Variants in KREMEN1 observed in about 807,000 individuals in gnomAD.
KREMEN1 encodes kremen protein 1.
In KREMEN1, 30 loss-of-function variants were observed where a neutral mutation model predicts 46.5. That is an observed-to-expected ratio of 0.65 (90% CI 0.48 to 0.88). KREMEN1 has a LOEUF of 0.88. KREMEN1 is among the 40% of genes least tolerant of loss of function. The pLI is 0.00. For synonymous variants in KREMEN1, 214 were observed against 230.6 expected (o/e 0.93, Z 0.65); for missense variants, 533 against 596.9 (o/e 0.89, Z 1.11).
At chr22:29,086,639 G>A (rs1234736556) in intron 1 of KREMEN1, among the ~76,000 whole-genome samples, 3 of 152,200 alleles carry the variant, frequency 2.0e-5, no homozygotes, top group African/African-American at 7.2e-5. Context: ...GCAAAGGGTA[G>A]TCTGCCCAGG....
Position 29,144,667 on chromosome 22 carries a change from T to A in KREMEN1, c.*2555T>A. The A allele has an allele frequency of 2.0e-6, 2 of 985,510 alleles. No homozygotes were observed. Among genetic ancestry groups the A allele is most frequent in the African/African-American group, 3.5e-5 (2 of 57,378 alleles). The allele number at this position is 985,510 out of a possible 1,614,324, so 61.0% of individuals were successfully genotyped here. ...GGGTCCTGTGCTGTGAATAGATCCATGTGCAGCACAAAGGGAATGTGGCAC... is the reference window on the plus strand; with the variant it reads ...GGGTCCTGTGCTGTGAATAGATCCAAGTGCAGCACAAAGGGAATGTGGCAC... On this transcript the variant is annotated 3_prime_UTR_variant, in exon 9 of 9. Coordinates refer to ENST00000400335, the MANE Select transcript of KREMEN1 (RefSeq NM_001039570.3).
chr22:29,092,243 G>T (rs1044393508), intron 1 of KREMEN1, among the ~76,000 whole-genome samples: 1 of 152,194 alleles, frequency 6.6e-6, no homozygotes, highest in Non-Finnish European at 1.5e-5. Context: ...ATCGGAAGTG[G>T]AGTGAGGGAG....
chr22:29,162,714 CA>C (rs372508212), intron 9 of KREMEN1, among the ~76,000 whole-genome samples: 1 of 142,434 alleles, frequency 7.0e-6, no homozygotes, highest in Non-Finnish European at 1.5e-5. Context: ...CTCCGTCACA[CA>C]AAAAAAAAGA....
At chr22:29,141,226 C>CGT (rs132278) in intron 8 of KREMEN1, among the ~76,000 whole-genome samples, 109,350 of 148,476 alleles carry the variant, frequency 0.74, 40,617 homozygotes, top group East Asian at 0.91. Context: ...ATAATGTCCT[C>CGT]GTGTGTGTGT....
chr22:29,088,327 A>ACGCACG (rs1556002411), intron 1 of KREMEN1, among the ~76,000 whole-genome samples: 1 of 150,408 alleles, frequency 6.6e-6, no homozygotes, highest in African/African-American at 2.4e-5. Context: ...ACACACACAC[A>ACGCACG]CACGCACACA....
chr22:29,105,931 T>C (rs923324951), intron 3 of KREMEN1, among the ~76,000 whole-genome samples: 7 of 152,208 alleles, frequency 4.6e-5, no homozygotes, highest in African/African-American at 1.7e-4. Context: ...TAAAAATAGA[T>C]TTAAAATAGA....
chr22:29,141,523 C>G (rs1196880616), intron 8 of KREMEN1, among the ~76,000 whole-genome samples: 1 of 152,206 alleles, frequency 6.6e-6, no homozygotes, highest in African/African-American at 2.4e-5. Flanking sequence ...GAACAGAGTC[C>G]GGGCCAGCAC....
chr22:29,119,213 G>T (rs1159274589), intron 3 of KREMEN1, among the ~76,000 whole-genome samples: 1 of 152,080 alleles, frequency 6.6e-6, no homozygotes, highest in Non-Finnish European at 1.5e-5. Context: ...AAATTAAAAG[G>T]CTATAGGTGA....
intron 2 of KREMEN1, among the ~76,000 whole-genome samples, chr22:29,098,059 A>G (rs950299834): frequency 6.6e-6 from 1 of 152,098 alleles, no homozygotes; most frequent in African/African-American, 2.4e-5. Flanking sequence ...GGGCACTTGT[A>G]GTCCCAGCTA....
rs182176385 is a variant in KREMEN1, at chr22:29,076,578, C to T, written c.97+3351C>T. On this transcript the variant is annotated intron_variant, in intron 1 of 8. Coordinates refer to ENST00000400335, the MANE Select transcript of KREMEN1 (RefSeq NM_001039570.3). ...CCATTTAAATCTTTGAGGCCGGGCG[C>T]GGTGGCTCACACCTGTAATCCCAGC... 2.0e-4 allele frequency among the ~76,000 whole-genome samples: 30 copies of T among 152,292 alleles called. 1 individual carries two copies. Among genetic ancestry groups the T allele is most frequent in the East Asian group, 1.7e-3 (9 of 5,188 alleles).
intron 5 of KREMEN1, among the ~76,000 whole-genome samples, chr22:29,125,914 C>T (rs950632100): frequency 6.6e-6 from 1 of 152,010 alleles, no homozygotes; most frequent in Non-Finnish European, 1.5e-5. Context: ...TCTAAACTGC[C>T]GCATTTGTGA....
chr22:29,143,946 C>T lies in KREMEN1; in HGVS notation c.*1834C>T. 1 of 985,372 alleles carries T rather than the reference C, an allele frequency of 1.0e-6. No individual in the cohort carries two copies. The highest frequency in any genetic ancestry group is 1.1e-4 in the East Asian group (1 of 8,816). The allele number at this position is 985,372 out of a possible 1,614,324, so 61.0% of individuals were successfully genotyped here. A position where few individuals can be genotyped will look rare whatever the true frequency, so the allele number is the denominator to read the frequency against. Reference sequence around the variant, plus strand: ...GGAATTGGAGCTCCTCCAAGGAGCTCCTCCTAAGATTGAGTGCTGCAGCTG... The same window carrying T: ...GGAATTGGAGCTCCTCCAAGGAGCTTCTCCTAAGATTGAGTGCTGCAGCTG... On this transcript the variant is annotated 3_prime_UTR_variant, in exon 9 of 9. Transcript: ENST00000400335.
chr22:29,149,320 G>GC (rs1229809457), downstream of KREMEN1, among the ~76,000 whole-genome samples: 1 of 152,082 alleles, frequency 6.6e-6, no homozygotes, highest in African/African-American at 2.4e-5. Flanking sequence ...GTGCCACCAT[G>GC]CCCAGCTAAT....
intron 4 of KREMEN1, among the ~76,000 whole-genome samples, chr22:29,122,513 G>A (rs954883649): frequency 6.6e-6 from 1 of 152,116 alleles, no homozygotes; most frequent in African/African-American, 2.4e-5. Flanking sequence ...ATATATGAAT[G>A]TTCATAGCAG....
intron 5 of KREMEN1, among the ~76,000 whole-genome samples, chr22:29,134,472 A>G (rs1257732183): frequency 6.6e-6 from 1 of 151,996 alleles, no homozygotes; most frequent in Non-Finnish European, 1.5e-5. Flanking sequence ...TAGATTATTT[A>G]CCGTATTCAT....
chr22:29,142,009 T>A lies in KREMEN1; in HGVS notation c.1274T>A (p.Ile425Asn), dbSNP rs1274054510. 3 of 1,613,480 alleles carry A rather than the reference T, an allele frequency of 1.9e-6. No homozygotes were observed. Among genetic ancestry groups the A allele is most frequent in the South Asian group, 2.2e-5 (2 of 90,938 alleles). The change falls in exon 9 of 9, where the codon ATC becomes AAC. Residue 425 changes from isoleucine to asparagine, a missense_variant. Physicochemically the swap from Ile to Asn is moderately radical, Grantham distance 149. Coordinates refer to ENST00000400335, the MANE Select transcript of KREMEN1 (RefSeq NM_001039570.3). ...CATCAACCAGGGACTTCGGGGGAAA[T>A]CTGGAGCATTTTTTACAAGCCTTCC... ...DCHQPGTSGE[I>N]WSIFYKPSTS... is the part of the protein sequence containing the mutation.
At chr22:29,105,722 C>T (rs1267123968) in intron 3 of KREMEN1, among the ~76,000 whole-genome samples, 1 of 152,076 alleles carries the variant, frequency 6.6e-6, no homozygotes, top group East Asian at 1.9e-4. Context: ...TTCGTTGAGC[C>T]TCTGTATTAG....
rs2038545786 is a variant in KREMEN1 at position 29,131,612 on chromosome 22, GTATATATATGTATATATGTATATATA to G, written c.632-5728_632-5703del. On this transcript the variant is annotated intron_variant, in intron 5 of 8. Transcript: ENST00000400335. ...TGTGTGTGTATATGTATATATGTGT[GTATATATATGTATATATGTATATATA>G]TGTGTGTATATATATGTATATATAT... is the stretch of plus-strand genomic sequence containing the variant. 3.1e-5 allele frequency among the ~76,000 whole-genome samples: 4 copies of G among 129,732 alleles called. No homozygotes were observed. In the South Asian group the frequency reaches 7.1e-4, roughly 23 times the overall value. The allele number at this position is 129,732 out of a possible 152,430, so 85.1% of individuals were successfully genotyped here.
chr22:29,122,668 G>A (rs527686125), intron 4 of KREMEN1, among the ~76,000 whole-genome samples: 180 of 152,212 alleles, frequency 1.2e-3, no homozygotes, highest in African/African-American at 3.9e-3. Context: ...GGCTGGGCAC[G>A]GTGGCTCATG....
Sources: gnomAD v4.1 joint callset for allele counts (sites outside exome capture counted in the v4.1 genomes callset) on GRCh38, gnomAD v4.1.1 for gene constraint, MANE v1.5 for transcripts, NCBI Gene and HGNC (gene_info 2026-07-23, HGNC 2026-07-21) for gene names.